TMC1: variants seen among roughly 807,000 people sequenced by gnomAD.
TMC1 encodes the protein transmembrane channel like 1.
A neutral mutation model predicts 105.8 loss-of-function variants in TMC1; 84 were observed. That is an observed-to-expected ratio of 0.79 (90% confidence interval 0.67 to 0.95). The LOEUF (loss-of-function observed/expected upper bound fraction) is 0.95. Ranked by LOEUF, TMC1 falls within the 40% of genes least tolerant of loss-of-function variation. The pLI is 0.00. For synonymous variants in TMC1, 315 were observed against 311.5 expected, an observed-to-expected ratio of 1.01 and a Z score of -0.12; for missense variants, 817 against 914.1, an observed-to-expected ratio of 0.89 and a Z score of 1.37.
intron 12 of TMC1, among the ~76,000 whole-genome samples, chr9:72,763,821 A>AG (rs1227305648): frequency 2.0e-5 from 3 of 152,048 alleles, no homozygotes; most frequent in Admixed American, 2.0e-4. Context: ...AAGTAACTTA[A>AG]GTGGGGGGTA....
intron 8 of TMC1, among the ~76,000 whole-genome samples, chr9:72,714,856 G>A (rs1385382534): frequency 6.6e-6 from 1 of 152,186 alleles, no homozygotes; most frequent in Non-Finnish European, 1.5e-5. Flanking sequence ...TTTCTTCATA[G>A]CGTTGATGGT....
At chr9:72,542,164 AT>A (rs1174045198) in intron 1 of TMC1, among the ~76,000 whole-genome samples, 1 of 152,092 alleles carries the variant, frequency 6.6e-6, no homozygotes, top group Non-Finnish European at 1.5e-5. Flanking sequence ...TGTCTACTAA[AT>A]ACACACAAAA....
intron 12 of TMC1, among the ~76,000 whole-genome samples, chr9:72,766,363 G>C (rs1827839076): frequency 6.6e-6 from 1 of 150,674 alleles, no homozygotes; most frequent in Non-Finnish European, 1.5e-5. Flanking sequence ...CTTGCAGTGA[G>C]CCGAAATTGC....
At chr9:72,833,070 A>G (rs1379988195) in intron 23 of TMC1, among the ~76,000 whole-genome samples, 2 of 152,144 alleles carry the variant, frequency 1.3e-5, no homozygotes, top group Non-Finnish European at 2.9e-5. Flanking sequence ...ACTACAATGG[A>G]TATAATAATT....
At chr9:72,813,220 T>C (rs1054508235) in intron 18 of TMC1, among the ~76,000 whole-genome samples, 2 of 152,168 alleles carry the variant, frequency 1.3e-5, no homozygotes, top group African/African-American at 4.8e-5. Flanking sequence ...ACAAAATATA[T>C]TGCAAATTGA....
chr9:72,568,071 A>AT (rs35677632), intron 1 of TMC1, among the ~76,000 whole-genome samples: 44,581 of 143,138 alleles, frequency 0.31, 7,574 homozygotes, highest in African/African-American at 0.47. Context: ...GCCCTCAATG[A>AT]TTTTTTTTTT....
chr9:72,713,693 A>G (rs1272923400), intron 8 of TMC1, among the ~76,000 whole-genome samples: 2 of 147,500 alleles, frequency 1.4e-5, no homozygotes, highest in Non-Finnish European at 3.0e-5. Flanking sequence ...CTAGTTGTTG[A>G]TCTTTCAAAA....
chr9:72,780,667 A>G (rs965333194), intron 13 of TMC1, among the ~76,000 whole-genome samples: 8 of 152,224 alleles, frequency 5.3e-5, no homozygotes, highest in African/African-American at 1.9e-4. Flanking sequence ...AGAGCCTGTT[A>G]TTTTTATTTT....
At chr9:72,792,905 G>C (rs1482491842) in intron 17 of TMC1, among the ~76,000 whole-genome samples, 1 of 152,148 alleles carries the variant, frequency 6.6e-6, no homozygotes. Context: ...CCCATGGAGA[G>C]CAGAGAAAAG....
intron 18 of TMC1, 93 bp from the exon 19 acceptor site, chr9:72,816,050 A>T: frequency 2.8e-6 from 3 of 1,058,960 alleles, no homozygotes; most frequent in Non-Finnish European, 4.4e-6. Flanking sequence ...GAAGGGAAGT[A>T]ATTGAAACCC....
chr9:72,661,188 G>A (rs182118945), intron 5 of TMC1, among the ~76,000 whole-genome samples: 1 of 152,210 alleles, frequency 6.6e-6, no homozygotes, highest in African/African-American at 2.4e-5. Context: ...ATGATTGGGA[G>A]TTAAAATTAT....
chr9:72,595,784 C>G (rs1824708026), intron 2 of TMC1, among the ~76,000 whole-genome samples: 1 of 149,686 alleles, frequency 6.7e-6, no homozygotes, highest in Non-Finnish European at 1.5e-5. Context: ...TCAAGTGATT[C>G]TCCTGCTTGA....
In TMC1 at chr9:72,628,752, T is replaced by A. The variant is rs572008949; in HGVS notation, c.-53+689T>A. ...ACAAAAAAAATTAGGTACCAGATAA[T>A]TGGATCATGTGTTATTTTATAGAGA... On this transcript the variant is annotated intron_variant, in intron 4 of 23. Coordinates refer to ENST00000297784, the MANE Select transcript of TMC1 (RefSeq NM_138691.3). Among the ~76,000 whole-genome samples the A allele has an allele frequency of 1.6e-4, 25 of 152,326 alleles. 3 individuals are homozygous for A. The South Asian group carries it at 4.8e-3, about 29-fold the overall frequency.
intron 7 of TMC1, among the ~76,000 whole-genome samples, chr9:72,699,679 G>A (rs994652217): frequency 3.9e-5 from 6 of 152,208 alleles, no homozygotes; most frequent in East Asian, 1.9e-4. Flanking sequence ...TGCTTAGGGC[G>A]GGTGCGGTGG....
intron 1 of TMC1, among the ~76,000 whole-genome samples, chr9:72,535,553 A>T (rs1468261749): frequency 6.6e-6 from 1 of 152,148 alleles, no homozygotes; most frequent in Non-Finnish European, 1.5e-5. Context: ...TACCTCTGAG[A>T]TTAAATTGCA....
At chr9:72,800,789 G>A (rs1251734310) in intron 17 of TMC1, among the ~76,000 whole-genome samples, 2 of 151,908 alleles carry the variant, frequency 1.3e-5, no homozygotes, top group Non-Finnish European at 2.9e-5. Flanking sequence ...CTGCAGAAGC[G>A]GGCCAAGGGA....
At chr9:72,724,733 A>C (rs188078861) in intron 8 of TMC1, among the ~76,000 whole-genome samples, 290 of 152,208 alleles carry the variant, frequency 1.9e-3, no homozygotes, top group African/African-American at 6.7e-3. Context: ...AGACACATTA[A>C]ATTTTCTGAG....
chr9:72,749,776 G>C (rs1827548801), intron 10 of TMC1, among the ~76,000 whole-genome samples: 1 of 152,064 alleles, frequency 6.6e-6, no homozygotes, highest in Non-Finnish European at 1.5e-5. Context: ...AAAAAAACCT[G>C]CCACTGTTTT....
At position 72,802,611 on chromosome 9, in the gene TMC1, A is replaced by G. The variant is rs570141436; in HGVS notation, c.1567-2771A>G. ...CCTGAGTAAATAATGGAATGAAGGCAGAAATCAAGATGTTCCTTGAAACTA... is the reference window on the plus strand; with the variant it reads ...CCTGAGTAAATAATGGAATGAAGGCGGAAATCAAGATGTTCCTTGAAACTA... On this transcript the variant is annotated intron_variant, in intron 17 of 23. Transcript: ENST00000297784. Among the ~76,000 whole-genome samples, 444 of 152,320 alleles carry G rather than the reference A, an allele frequency of 2.9e-3. 2 individuals carry two copies. The highest frequency in any genetic ancestry group is 0.01 in the African/African-American group (424 of 41,570).
Sources: gnomAD v4.1 joint callset for allele counts (sites outside exome capture counted in the v4.1 genomes callset) on GRCh38, gnomAD v4.1.1 for gene constraint, MANE v1.5 for transcripts, NCBI Gene and HGNC (gene_info 2026-07-23, HGNC 2026-07-21) for gene names.